The following RARB variants were observed in gnomAD, a reference collection of about 807,000 sequenced individuals.
RARB encodes the protein retinoic acid receptor beta.
Under a neutral mutation model 51.9 loss-of-function variants are expected in RARB, and 17 were observed. The ratio of observed to expected loss-of-function variants is 0.33; its 90% CI spans 0.22 to 0.49. The LOEUF (loss-of-function observed/expected upper bound fraction) is 0.49. RARB is among the 20% of genes least tolerant of loss of function. RARB has a pLI of 0.99. For synonymous variants in RARB, 215 were observed against 195.4 expected (o/e 1.10, Z -0.84); for missense variants, 369 against 550.8 (o/e 0.67, Z 3.30).
intron 2 of RARB, among the ~76,000 whole-genome samples, chr3:25,499,565 T>C (rs1243042167): frequency 6.6e-6 from 1 of 152,238 alleles, no homozygotes; most frequent in African/African-American, 2.4e-5. Context: ...GTCTGCTTTA[T>C]TTCATCGGTG....
At chr3:24,897,148 C>A (rs1196323857) in intron 2 of RARB, among the ~76,000 whole-genome samples, 2 of 152,198 alleles carry the variant, frequency 1.3e-5, no homozygotes, top group African/African-American at 4.8e-5. Flanking sequence ...CTCTCCTCCT[C>A]CATAAAGCAG....
chr3:25,374,221 A>G (rs143171722), intron 5 of RARB, among the ~76,000 whole-genome samples: 17 of 152,220 alleles, frequency 1.1e-4, no homozygotes, highest in Non-Finnish European at 2.5e-4. Context: ...ACATTCACAC[A>G]CTATGCTCAA....
chr3:25,354,985 C>A (rs182612088), intron 5 of RARB, among the ~76,000 whole-genome samples: 1 of 152,144 alleles, frequency 6.6e-6, no homozygotes, highest in Admixed American at 6.6e-5. Context: ...GTTTGAATCC[C>A]AGCTCTTCCA....
intron 5 of RARB, among the ~76,000 whole-genome samples, chr3:25,586,755 C>T (rs1022893267): frequency 1.4e-4 from 22 of 152,214 alleles, no homozygotes; most frequent in African/African-American, 5.3e-4. Context: ...CCCATGTGAA[C>T]CTGTCCCTCC....
chr3:25,415,417 G>A (rs951427438), intron 5 of RARB, among the ~76,000 whole-genome samples: 1 of 151,838 alleles, frequency 6.6e-6, no homozygotes, highest in Non-Finnish European at 1.5e-5. Context: ...TGTTTTATTT[G>A]TATGCAGTAT....
intron 2 of RARB, among the ~76,000 whole-genome samples, chr3:24,886,691 C>T (rs1276201642): frequency 6.6e-6 from 1 of 152,056 alleles, no homozygotes; most frequent in East Asian, 1.9e-4. Context: ...ATTTGCCTGC[C>T]TCCCAAAGTG....
intron 5 of RARB, among the ~76,000 whole-genome samples, chr3:25,414,700 A>G (rs565684436): frequency 3.3e-5 from 5 of 152,266 alleles, no homozygotes; most frequent in South Asian, 2.1e-4. Flanking sequence ...TCATAGGTTT[A>G]TTTGCCATAT....
chr3:25,529,017 C>T (rs1698781167), intron 3 of RARB, among the ~76,000 whole-genome samples: 1 of 151,860 alleles, frequency 6.6e-6, no homozygotes, highest in African/African-American at 2.4e-5. Context: ...CTCTCTCCTG[C>T]TCAAAATTGT....
chr3:25,044,389 C>T (rs191521308), intron 2 of RARB, among the ~76,000 whole-genome samples: 28 of 152,150 alleles, frequency 1.8e-4, no homozygotes, highest in Admixed American at 9.2e-4. Context: ...TAGCACTCTA[C>T]CAAATGTATC....
chr3:25,285,633 G>A (rs1431670787), intron 5 of RARB, among the ~76,000 whole-genome samples: 1 of 152,176 alleles, frequency 6.6e-6, no homozygotes, highest in Non-Finnish European at 1.5e-5. Context: ...AAGGGTTGGA[G>A]AGAGGGGAGT....
chr3:25,030,175 C>A (rs1442727933), intron 2 of RARB, among the ~76,000 whole-genome samples: 1 of 152,132 alleles, frequency 6.6e-6, no homozygotes, highest in African/African-American at 2.4e-5. Flanking sequence ...TCTGCCTGAG[C>A]CTGTGCAAGA....
intron 4 of RARB, among the ~76,000 whole-genome samples, chr3:25,161,332 C>A (rs1700470022): frequency 6.6e-6 from 1 of 152,030 alleles, no homozygotes; most frequent in African/African-American, 2.4e-5. Flanking sequence ...CAGGTGTGAG[C>A]TACCACGCCT....
intron 2 of RARB, among the ~76,000 whole-genome samples, chr3:25,482,202 C>T (rs561199003): frequency 6.6e-6 from 1 of 152,108 alleles, no homozygotes; most frequent in Non-Finnish European, 1.5e-5. Flanking sequence ...CACTTTCCTT[C>T]TATATTCAAG....
chr3:24,890,634 T>C (rs1321304492), intron 2 of RARB, among the ~76,000 whole-genome samples: 1 of 152,166 alleles, frequency 6.6e-6, no homozygotes, highest in Non-Finnish European at 1.5e-5. Flanking sequence ...ATGTTTTCAA[T>C]TGACTATAAC....
chr3:25,057,596 GACTT>G (rs1193189098), intron 2 of RARB, among the ~76,000 whole-genome samples: 3 of 151,992 alleles, frequency 2.0e-5, no homozygotes, highest in African/African-American at 7.2e-5. Flanking sequence ...GCATAGGAAA[GACTT>G]ACTCATTTGT....
chr3:25,365,199 CTTTTTTTTTTTT>C (rs3035063), intron 5 of RARB, among the ~76,000 whole-genome samples: 4 of 75,448 alleles, frequency 5.3e-5, no homozygotes, highest in Admixed American at 1.8e-4. Context: ...TTCTTTCTTT[CTTTTTTTTTTTT>C]TTTTTTTTTT....
intron 2 of RARB, among the ~76,000 whole-genome samples, chr3:24,916,384 A>C (rs979514595): frequency 6.6e-6 from 1 of 152,168 alleles, no homozygotes; most frequent in East Asian, 1.9e-4. Flanking sequence ...TCTCCTGACC[A>C]ATGAGGCTTT....
intron 3 of RARB, among the ~76,000 whole-genome samples, chr3:25,062,002 A>C (rs924048307): frequency 2.0e-5 from 3 of 151,846 alleles, no homozygotes; most frequent in African/African-American, 4.8e-5. Flanking sequence ...GTGGTTTTCA[A>C]CTTAAGAAAA....
At chr3:25,114,212 A>T (rs186975095) in intron 3 of RARB, among the ~76,000 whole-genome samples, 1 of 152,286 alleles carries the variant, frequency 6.6e-6, no homozygotes, top group Non-Finnish European at 1.5e-5. Flanking sequence ...GGTAGCTTGG[A>T]GCAATGGAAA....
Sources: gnomAD v4.1 joint callset for allele counts (sites outside exome capture counted in the v4.1 genomes callset) on GRCh38, gnomAD v4.1.1 for gene constraint, MANE v1.5 for transcripts, NCBI Gene and HGNC (gene_info 2026-07-23, HGNC 2026-07-21) for gene names.